Variants in SIM1 observed in about 807,000 individuals in gnomAD.
The protein encoded by SIM1 is single-minded homolog 1.
Under a neutral mutation model 78.2 loss-of-function variants are expected in SIM1, and 18 were observed. That is an observed-to-expected ratio of 0.23 (90% CI 0.16 to 0.34). The LOEUF (loss-of-function observed/expected upper bound fraction) is 0.34, where lower values mean the gene tolerates loss of function less well. Ranked by LOEUF, SIM1 falls within the 10% of genes least tolerant of loss-of-function variation. The pLI is 1.00. For synonymous variants in SIM1, 417 were observed against 385.2 expected (o/e 1.08, Z -0.97); for missense variants, 939 against 975.1 (o/e 0.96, Z 0.49).
At position 100,390,302 on chromosome 6, in the gene SIM1, G is replaced by T. The variant is rs747014239; in HGVS notation, c.*59C>A. The T allele has an allele frequency of 2.6e-6, 4 of 1,535,756 alleles. No homozygotes were observed. Among genetic ancestry groups the T allele is most frequent in the Non-Finnish European group, 3.5e-6 (4 of 1,132,096 alleles). The stretch of plus-strand genomic sequence containing the variant: ...TGGCATAGTAAATGCTGGTAATGGG[G>T]TATTAAACTATAAATATGTTTCAGA... On this transcript the variant is annotated 3_prime_UTR_variant, in exon 12 of 12. Transcript: ENST00000369208.
intron 6 of SIM1, 76 bp downstream of exon 6, chr6:100,449,287 C>T: frequency 8.0e-7 from 1 of 1,246,166 alleles, no homozygotes; most frequent in Non-Finnish European, 1.2e-6. Flanking sequence ...GAGGTAGGGA[C>T]ATTCCTCCCA....
At chr6:100,457,085 T>A (rs1391525125) in intron 2 of SIM1, among the ~76,000 whole-genome samples, 2 of 152,196 alleles carry the variant, frequency 1.3e-5, no homozygotes, top group Non-Finnish European at 2.9e-5. Flanking sequence ...GCAGCAAAAA[T>A]AAATTGATAG....
chr6:100,389,377 C>T lies in SIM1; in HGVS notation c.*984G>A. 1 of 375,992 alleles carries T rather than the reference C, an allele frequency of 2.7e-6. No individual in the cohort carries two copies. The highest frequency in any genetic ancestry group is 4.7e-6 in the Non-Finnish European group (1 of 212,036). 23.3% of individuals were successfully genotyped at this position (375,992 alleles called of 1,614,324 possible). On this transcript the variant is annotated 3_prime_UTR_variant, in exon 12 of 12. Transcript: ENST00000369208. ...AAACGTTTTCAAACACTTAACACTGCTGTCATGTGGCACTTCACTGGTTTT... is the reference window on the plus strand; with the variant it reads ...AAACGTTTTCAAACACTTAACACTGTTGTCATGTGGCACTTCACTGGTTTT...
At chr6:100,434,516 GT>G (rs748863086) in intron 9 of SIM1, among the ~76,000 whole-genome samples, 1 of 152,226 alleles carries the variant, frequency 6.6e-6, no homozygotes, top group Non-Finnish European at 1.5e-5. Context: ...TCCTGGTTCA[GT>G]CACAAGAACA....
intron 9 of SIM1, among the ~76,000 whole-genome samples, chr6:100,430,644 C>A (rs1159728241): frequency 6.6e-6 from 1 of 152,006 alleles, no homozygotes; most frequent in Non-Finnish European, 1.5e-5. Flanking sequence ...CCTCACCAGA[C>A]CCTTCACTGT....
At chr6:100,397,365 C>T (rs567706141) in intron 10 of SIM1, among the ~76,000 whole-genome samples, 10 of 152,092 alleles carry the variant, frequency 6.6e-5, no homozygotes, top group Non-Finnish European at 1.2e-4. Context: ...TACTTGGAGG[C>T]GGAAAATGTG....
At chr6:100,450,425 A>C in intron 3 of SIM1, 69 bp from the exon 4 acceptor site, 1 of 1,414,236 alleles carries the variant, frequency 7.1e-7, no homozygotes, top group Non-Finnish European at 1.0e-6. Context: ...GCAGGAGGAC[A>C]GAAGTTAGTG....
intron 10 of SIM1, among the ~76,000 whole-genome samples, chr6:100,406,113 C>A (rs2114481395): frequency 6.6e-6 from 1 of 152,210 alleles, no homozygotes; most frequent in South Asian, 2.1e-4. Context: ...CAGTATATCC[C>A]AACTTGGATA....
Position 100,448,540 on chromosome 6 carries a change from G to A in SIM1, c.682C>T (p.His228Tyr). ...GCGCGGAACATAAACATATTGCTGT[G>A]TAGCTTGATCTCCGTGACGGCGCTG... ...PPSAVTEIKLHSNMFMFRASL... is the reference protein window; with the variant it reads ...PPSAVTEIKLYSNMFMFRASL... Residue 228 changes from histidine (H) to tyrosine (Y), a missense_variant, in exon 7 of 12, where the codon CAC becomes TAC. This residue lies in a region of SIM1 where 187 missense variants were observed against 191.6 expected (regional missense o/e 0.98). Coordinates refer to ENST00000369208, the MANE Select transcript of SIM1 (RefSeq NM_005068.3). The A allele has an allele frequency of 6.2e-7, 1 of 1,614,156 alleles. No homozygotes were observed. Among genetic ancestry groups the A allele is most frequent in the Non-Finnish European group, 8.5e-7 (1 of 1,180,024 alleles).
chr6:100,429,340 G>A (rs913418760), intron 9 of SIM1, among the ~76,000 whole-genome samples: 25 of 146,688 alleles, frequency 1.7e-4, no homozygotes, highest in South Asian at 1.1e-3. Context: ...CTGCACTCCA[G>A]CTGGGAGGAC....
intron 10 of SIM1, among the ~76,000 whole-genome samples, chr6:100,397,150 C>T (rs1770787818): frequency 6.6e-6 from 1 of 151,926 alleles, no homozygotes; most frequent in Admixed American, 6.6e-5. Context: ...GCCAATTTTC[C>T]CTCCAAGTAT....
chr6:100,426,905 T>TAA (rs1290919511), intron 9 of SIM1, among the ~76,000 whole-genome samples: 18 of 152,226 alleles, frequency 1.2e-4, no homozygotes, highest in African/African-American at 4.3e-4. Flanking sequence ...AGCTATTTTT[T>TAA]TAAACAGCTG....
rs548729375 is a variant in SIM1, at chr6:100,448,550, C to T, written c.672G>A (p.Glu224=). 1.2e-6 allele frequency: 2 copies of T among 1,614,162 alleles called. No individual in the cohort carries two copies. Among genetic ancestry groups the T allele is most frequent in the Admixed American group, 1.7e-5 (1 of 60,030 alleles). Residue 224 remains glutamate (E), a synonymous_variant, in exon 7 of 12, where the codon GAG becomes GAA. Coordinates refer to ENST00000369208, the MANE Select transcript of SIM1 (RefSeq NM_005068.3). Reference sequence around the variant, plus strand: ...TAAACATATTGCTGTGTAGCTTGATCTCCGTGACGGCGCTGGGAGGCAGCG... The same window carrying T: ...TAAACATATTGCTGTGTAGCTTGATTTCCGTGACGGCGCTGGGAGGCAGCG... ...GHSLPPSAVT[E]IKLHSNMFMF... is the part of the protein sequence containing the mutation.
Position 100,435,025 on chromosome 6 carries a change from T to G in SIM1, c.998+12243A>C, listed in dbSNP as rs189825665. ...TATTAAATGTTCTAAATAAAATAAT[T>G]TTCTGTGGGTGACACGTTGATTGTT... On this transcript the variant is annotated intron_variant, in intron 9 of 11. Coordinates refer to ENST00000369208, the MANE Select transcript of SIM1 (RefSeq NM_005068.3). 3.8e-3 allele frequency among the ~76,000 whole-genome samples: 584 copies of G among 152,256 alleles called. 4 individuals are homozygous for G. The highest frequency in any genetic ancestry group is 0.013 in the African/African-American group (547 of 41,558).
chr6:100,411,162 A>G (rs1452177251), intron 10 of SIM1, among the ~76,000 whole-genome samples: 1 of 152,220 alleles, frequency 6.6e-6, no homozygotes, highest in South Asian at 2.1e-4. Context: ...ATAAACAAAC[A>G]TGGGTAACTG....
intron 3 of SIM1, among the ~76,000 whole-genome samples, chr6:100,452,259 T>C (rs1772530477): frequency 6.6e-6 from 1 of 152,198 alleles, no homozygotes; most frequent in African/African-American, 2.4e-5. Flanking sequence ...AAGGCACTAC[T>C]CTTTCTTCCT....
chr6:100,440,228 C>T (rs916992413), intron 9 of SIM1, among the ~76,000 whole-genome samples: 7 of 152,064 alleles, frequency 4.6e-5, no homozygotes, highest in Non-Finnish European at 8.8e-5. Context: ...ACGAATGTCC[C>T]CATTTCACAT....
chr6:100,446,753 C>G (rs768700603), intron 9 of SIM1, among the ~76,000 whole-genome samples: 5 of 152,168 alleles, frequency 3.3e-5, no homozygotes, highest in Non-Finnish European at 7.3e-5. Flanking sequence ...TAGCTTTCTA[C>G]GAGTTAAAGT....
At chr6:100,391,701 T>C (rs908755814) in intron 11 of SIM1, among the ~76,000 whole-genome samples, 1 of 152,224 alleles carries the variant, frequency 6.6e-6, no homozygotes, top group African/African-American at 2.4e-5. Flanking sequence ...AGGTTAAAAA[T>C]ATACATCTAT....
Sources: gnomAD v4.1 joint callset for allele counts (sites outside exome capture counted in the v4.1 genomes callset) on GRCh38, gnomAD v4.1.1 for gene constraint, gnomAD v4.1.1 regional missense constraint, MANE v1.5 for transcripts, NCBI Gene and HGNC (gene_info 2026-07-23, HGNC 2026-07-21) for gene names.